OXR1: variants seen among roughly 807,000 people sequenced by gnomAD.
OXR1 encodes the protein oxidation resistance 1, also known as oxidation resistance protein 1.
A neutral mutation model predicts 104.6 loss-of-function variants in OXR1; 41 were observed. The ratio of observed to expected loss-of-function variants is 0.39; its 90% CI spans 0.31 to 0.51. The LOEUF is 0.51. OXR1 is among the 20% of genes least tolerant of loss of function. The pLI, the probability that OXR1 is intolerant of heterozygous loss-of-function variation, is 0.77. For synonymous variants in OXR1, 348 were observed against 348.4 expected (o/e 1.00, Z 0.01); for missense variants, 955 against 1,031.9 (o/e 0.93, Z 1.02).
intron 2 of OXR1, among the ~76,000 whole-genome samples, chr8:106,449,083 A>C (rs1820168668): frequency 6.6e-6 from 1 of 152,156 alleles, no homozygotes; most frequent in Non-Finnish European, 1.5e-5. Context: ...ATGAATTTGC[A>C]TCTTGGAAGC....
At chr8:106,572,092 GC>G (rs1817512998) in intron 3 of OXR1, among the ~76,000 whole-genome samples, 1 of 152,140 alleles carries the variant, frequency 6.6e-6, no homozygotes, top group Non-Finnish European at 1.5e-5. Flanking sequence ...TTCCCCCTCT[GC>G]CTGTGATGGG....
intron 3 of OXR1, among the ~76,000 whole-genome samples, chr8:106,525,140 A>G (rs1316134320): frequency 6.6e-6 from 1 of 152,210 alleles, no homozygotes; most frequent in Non-Finnish European, 1.5e-5. Flanking sequence ...AGGGTTATGA[A>G]TCTTGTCCTT....
rs1587120638 is a variant in OXR1, at chr8:106,694,459, A to ATATAAATATATTTATATATATATTTGT, written c.675+1586_675+1587insAATATATTTATATATATATTTGTTATA. Among the ~76,000 whole-genome samples, 4 of 128,728 alleles carry ATATAAATATATTTATATATATATTTGT rather than the reference A, an allele frequency of 3.1e-5. No individual in the cohort carries two copies. In the East Asian group the frequency reaches 6.5e-4, roughly 21 times the overall value. The allele number at this position is 128,728 out of a possible 152,430, so 84.5% of individuals were successfully genotyped here. On this transcript the variant is annotated intron_variant, in intron 7 of 16. Transcript: ENST00000517566. ...ATAAATATATTTTTATATATATTTGATATATAAATATATTTATATATATAT... is the reference window on the plus strand; with the variant it reads ...ATAAATATATTTTTATATATATTTGATATAAATATATTTATATATATATTTGTTATATAAATATATTTATATATATAT...
At chr8:106,537,936 C>T (rs1394347458) in intron 3 of OXR1, among the ~76,000 whole-genome samples, 1 of 152,136 alleles carries the variant, frequency 6.6e-6, no homozygotes, top group Non-Finnish European at 1.5e-5. Flanking sequence ...ACCACCTTCC[C>T]ACCTCCTCTA....
chr8:106,317,677 A>G (rs1814027046), intron 1 of OXR1, among the ~76,000 whole-genome samples: 1 of 152,030 alleles, frequency 6.6e-6, no homozygotes, highest in African/African-American at 2.4e-5. Context: ...GCTTCTGGGT[A>G]TGTCCTGTTT....
intron 3 of OXR1, among the ~76,000 whole-genome samples, chr8:106,542,535 A>T (rs1431838950): frequency 2.0e-5 from 3 of 152,182 alleles, no homozygotes; most frequent in Non-Finnish European, 2.9e-5. Context: ...AAAATTATAT[A>T]TATGCATATA....
intron 2 of OXR1, among the ~76,000 whole-genome samples, chr8:106,444,151 C>T (rs543233506): frequency 6.6e-6 from 1 of 152,288 alleles, no homozygotes; most frequent in East Asian, 1.9e-4. Context: ...GATACCATCT[C>T]ATGCCAGTCA....
At chr8:106,617,960 A>G (rs1586906656) in intron 3 of OXR1, 2 of 958,314 alleles carry the variant, frequency 2.1e-6, no homozygotes, top group Non-Finnish European at 2.5e-6. Flanking sequence ...GGGCAGGTAC[A>G]GTGAGTTTCC....
chr8:106,497,387 T>C (rs1360430860), intron 2 of OXR1, among the ~76,000 whole-genome samples: 2 of 152,236 alleles, frequency 1.3e-5, no homozygotes, highest in Non-Finnish European at 2.9e-5. Context: ...TAATTCATTT[T>C]TATCTATTAG....
intron 3 of OXR1, among the ~76,000 whole-genome samples, chr8:106,610,623 C>T (rs1820744974): frequency 6.6e-6 from 1 of 152,176 alleles, no homozygotes; most frequent in South Asian, 2.1e-4. Context: ...GTTCCTCTGG[C>T]TGCCAGGCCT....
chr8:106,642,622 G>A (rs898476636), intron 3 of OXR1, among the ~76,000 whole-genome samples: 1 of 152,146 alleles, frequency 6.6e-6, no homozygotes, highest in Non-Finnish European at 1.5e-5. Flanking sequence ...ATAATCACTT[G>A]AGCACTGCTG....
In OXR1 at chr8:106,725,583, T is replaced by C. The variant is rs530349581; in HGVS notation, c.1956+11598T>C. ...TTTCAAGAAATTAGATGTTAGAAAA[T>C]GCAATTTAAAAACAGACTGTGTAAC... On this transcript the variant is annotated intron_variant, in intron 11 of 16. Transcript: ENST00000517566. 1.7e-3 allele frequency among the ~76,000 whole-genome samples: 260 copies of C among 152,308 alleles called. 1 individual carries two copies. Among genetic ancestry groups the C allele is most frequent in the African/African-American group, 6.1e-3 (254 of 41,566 alleles).
At chr8:106,688,976 T>C (rs1829020229) in intron 6 of OXR1, among the ~76,000 whole-genome samples, 1 of 152,134 alleles carries the variant, frequency 6.6e-6, no homozygotes, top group South Asian at 2.1e-4. Flanking sequence ...GTGGAAGTAA[T>C]GCATGAAATT....
intron 1 of OXR1, among the ~76,000 whole-genome samples, chr8:106,319,363 G>A (rs1315726743): frequency 6.6e-6 from 1 of 152,132 alleles, no homozygotes; most frequent in Non-Finnish European, 1.5e-5. Flanking sequence ...TTCCACTAAA[G>A]GCAGCCCATT....
At chr8:106,557,743 C>T (rs1363842738) in intron 3 of OXR1, among the ~76,000 whole-genome samples, 3 of 152,164 alleles carry the variant, frequency 2.0e-5, no homozygotes, top group African/African-American at 7.2e-5. Flanking sequence ...CAAGCCCTTA[C>T]AGTTGTACAT....
chr8:106,691,617 TAC>T (rs1829287001), intron 6 of OXR1, among the ~76,000 whole-genome samples: 1 of 69,784 alleles, frequency 1.4e-5, no homozygotes, highest in Non-Finnish European at 2.7e-5. Flanking sequence ...CACATATATA[TAC>T]ATATATATAT....
chr8:106,709,581 A>G (rs1481492927), intron 9 of OXR1, among the ~76,000 whole-genome samples: 1 of 143,478 alleles, frequency 7.0e-6, no homozygotes, highest in Non-Finnish European at 1.5e-5. Flanking sequence ...TGGTGGACCA[A>G]TTTTGTTGTG....
At chr8:106,626,428 T>C (rs533209908) in intron 3 of OXR1, among the ~76,000 whole-genome samples, 1 of 152,012 alleles carries the variant, frequency 6.6e-6, no homozygotes, top group African/African-American at 2.4e-5. Flanking sequence ...ATGGCCTTGA[T>C]TGAAGTTTGG....
At chr8:106,274,600 A>ACCCCCC (rs11322065) in intron 1 of OXR1, among the ~76,000 whole-genome samples, 4 of 108,920 alleles carry the variant, frequency 3.7e-5, no homozygotes, top group Non-Finnish European at 5.7e-5. Flanking sequence ...CAGCAACGCC[A>ACCCCCC]CCCCCCCCCC....
Sources: gnomAD v4.1 joint callset for allele counts (sites outside exome capture counted in the v4.1 genomes callset) on GRCh38, gnomAD v4.1.1 for gene constraint, MANE v1.5 for transcripts, NCBI Gene and HGNC (gene_info 2026-07-23, HGNC 2026-07-21) for gene names.